The following TLE6 variants were observed in gnomAD, a reference collection of about 807,000 sequenced individuals.
TLE6 encodes transducin-like enhancer protein 6.
Under a neutral mutation model 77.1 loss-of-function variants are expected in TLE6, and 72 were observed. The observed-to-expected ratio is 0.93, with a 90% CI of 0.77 to 1.14. The LOEUF is 1.14. Ranked by LOEUF, TLE6 falls within the 50% of genes most tolerant of loss-of-function variation. TLE6 has a pLI of 0.00. For synonymous variants in TLE6, 366 were observed against 287.3 expected (o/e 1.27, Z -2.77); for missense variants, 843 against 747.6 (o/e 1.13, Z -1.49).
rs541595694 is a variant in TLE6 at position 2,978,272 on chromosome 19, G to A, written c.39G>A (p.Pro13=). ...ACCAGCCCAGACCCAAGGGCCCCCCGAAAAGCACTTCGGTGAGGAGGGCAT... is the reference window on the plus strand; with the variant it reads ...ACCAGCCCAGACCCAAGGGCCCCCCAAAAAGCACTTCGGTGAGGAGGGCAT... ...SRDQPRPKGP[P]KSTSPCPGIS... is the part of the protein sequence containing the mutation. The change falls in exon 2 of 17, where the codon CCG becomes CCA. Residue 13 remains proline, a synonymous_variant. Coordinates refer to ENST00000246112, the MANE Select transcript of TLE6 (RefSeq NM_001143986.2). 46 of 1,551,314 alleles carry A rather than the reference G, an allele frequency of 3.0e-5. No homozygotes were observed. The East Asian group carries it at 3.4e-4, about 12-fold the overall frequency.
Position 2,980,046 on chromosome 19 carries a change from T to C in TLE6, c.52-54T>C. The C allele has an allele frequency of 4.3e-6, 6 of 1,398,192 alleles. No homozygotes were observed. The South Asian group carries it at 6.2e-5, about 14-fold the overall frequency. The allele number at this position is 1,398,192 out of a possible 1,614,324, so 86.6% of individuals were successfully genotyped here. ...GCCATGTTGAGGTGGAGACCGGGGG[T>C]CTTGGGTGTTGGAGCATTGTAAGTT... is the stretch of plus-strand genomic sequence containing the variant. On this transcript the variant is annotated intron_variant, in intron 2 of 16. Coordinates refer to ENST00000246112, the MANE Select transcript of TLE6 (RefSeq NM_001143986.2).
intron 5 of TLE6, among the ~76,000 whole-genome samples, chr19:2,986,521 CTGGCCAACA>C (rs2088914036): frequency 6.6e-6 from 1 of 151,936 alleles, no homozygotes; most frequent in Non-Finnish European, 1.5e-5. Flanking sequence ...GGAGACCAGC[CTGGCCAACA>C]TGGTGAAACC....
intron 14 of TLE6, among the ~76,000 whole-genome samples, chr19:2,993,047 A>AAC (rs1332445181): frequency 6.7e-6 from 1 of 150,334 alleles, no homozygotes; most frequent in African/African-American, 2.4e-5. Flanking sequence ...AAAAAAAAAA[A>AAC]AAAAAACAGA....
chr19:2,985,591 T>TG (rs1026985699), intron 5 of TLE6, among the ~76,000 whole-genome samples: 20 of 147,436 alleles, frequency 1.4e-4, no homozygotes, highest in African/African-American at 4.7e-4. Context: ...TTTTTTTTTT[T>TG]TGTATTTTTA....
chr19:2,994,385 C>G (rs1457950460), intron 16 of TLE6, among the ~76,000 whole-genome samples: 1 of 152,074 alleles, frequency 6.6e-6, no homozygotes, highest in African/African-American at 2.4e-5. Context: ...CCGAGACGGG[C>G]AGATCATGAG....
chr19:2,988,149 C>T, intron 11 of TLE6, 21 bp downstream of exon 11: 1 of 1,551,182 alleles, frequency 6.4e-7, no homozygotes, highest in Non-Finnish European at 8.7e-7. Flanking sequence ...GCACTGTTTG[C>T]TTTTGGGCGG....
chr19:2,983,176 G>T (rs1247045909), intron 5 of TLE6, among the ~76,000 whole-genome samples: 2 of 152,076 alleles, frequency 1.3e-5, no homozygotes, highest in Non-Finnish European at 2.9e-5. Context: ...GGGTGAGGGG[G>T]GGCCAGGAAG....
At chr19:2,991,428 A>G (rs2089060962) in intron 13 of TLE6, among the ~76,000 whole-genome samples, 1 of 149,554 alleles carries the variant, frequency 6.7e-6, no homozygotes, top group Non-Finnish European at 1.5e-5. Context: ...ACACACACAT[A>G]TATATAATAT....
Position 2,994,977 on chromosome 19 carries a change from C to T in TLE6, c.1692C>T (p.His564=), listed in dbSNP as rs150135561. 3.9e-3 allele frequency: 6,229 copies of T among 1,608,218 alleles called. 15 individuals carry two copies. The highest frequency in any genetic ancestry group is 4.7e-3 in the Non-Finnish European group (5,483 of 1,177,792). Residue 564 remains histidine (H), a synonymous_variant, in exon 17 of 17, where the codon CAC becomes CAT. Transcript: ENST00000246112. ...NRLVVTGSGE[H]ASVYQITY ...TCGTTGTCACAGGCTCCGGGGAGCA[C>T]GCCTCCGTGTACCAGATCACCTACT... is the stretch of plus-strand genomic sequence containing the variant.
Position 2,994,875 on chromosome 19 carries a change from T to C in TLE6, c.1615-25T>C, listed in dbSNP as rs771731540. 8 of 1,467,316 alleles carry C rather than the reference T, an allele frequency of 5.5e-6. No homozygotes were observed. In the East Asian group the frequency reaches 1.4e-4, roughly 26 times the overall value. 90.9% of individuals were successfully genotyped at this position (1,467,316 alleles called of 1,614,324 possible). Reference sequence around the variant, plus strand: ...AGGGGTGTGTGAGCCCTACCCCAGCTCACTGCCCACTGCCCCCCCTCCAGG... The same window carrying C: ...AGGGGTGTGTGAGCCCTACCCCAGCCCACTGCCCACTGCCCCCCCTCCAGG... On this transcript the variant is annotated intron_variant, in intron 16 of 16. Transcript: ENST00000246112.
At chr19:2,984,811 C>T (rs542153085) in intron 5 of TLE6, among the ~76,000 whole-genome samples, 119 of 151,974 alleles carry the variant, frequency 7.8e-4, no homozygotes, top group Non-Finnish European at 1.5e-3. Flanking sequence ...ATTCCATATG[C>T]ATGACTATAT....
In TLE6 at chr19:2,995,057, C is replaced by CCA; in HGVS notation, c.*54_*55insAC. ...GGCTCCTCTTTTCATCCCCCCCCTT[C>CCA]CCCCCCCCCAACAAGGGGGACATGG... On this transcript the variant is annotated 3_prime_UTR_variant, in exon 17 of 17. Transcript: ENST00000246112. 1.8e-6 allele frequency: 1 copy of CCA among 541,082 alleles called. No individual in the cohort carries two copies. The allele number at this position is 541,082 out of a possible 1,614,324, so 33.5% of individuals were successfully genotyped here.
At chr19:2,982,095 C>T in intron 4 of TLE6, 53 bp from the exon 5 acceptor site, 1 of 1,546,772 alleles carries the variant, frequency 6.5e-7, no homozygotes, top group Non-Finnish European at 8.8e-7. Context: ...CAGGGTCACA[C>T]AGCATTCACA....
rs769774847 is a variant in TLE6 at position 2,989,210 on chromosome 19, T to A, written c.890T>A (p.Phe297Tyr). ...GTGCTCGCCACGGCCATCAGCAGCTTCACGCGGCACGTGTTCACCTGTGGC... is the reference window on the plus strand; with the variant it reads ...GTGCTCGCCACGGCCATCAGCAGCTACACGCGGCACGTGTTCACCTGTGGC... The part of the protein sequence containing the change: ...ELVLATAISS[F>Y]TRHVFTCGRR... The change falls in exon 12 of 17, where the codon TTC becomes TAC. Residue 297 changes from phenylalanine (F) to tyrosine (Y), a missense_variant. Transcript: ENST00000246112. 3.3e-5 allele frequency: 54 copies of A among 1,614,140 alleles called. No homozygotes were observed. In the East Asian group the frequency reaches 9.8e-4, roughly 29 times the overall value.
At chr19:2,992,643 C>T (rs1425492357) in intron 14 of TLE6, among the ~76,000 whole-genome samples, 2 of 151,652 alleles carry the variant, frequency 1.3e-5, no homozygotes, top group African/African-American at 4.8e-5. Flanking sequence ...AGCATGGTGG[C>T]ACGTACCTGG....
At chr19:2,986,135 G>C (rs1337709438) in intron 5 of TLE6, among the ~76,000 whole-genome samples, 1 of 144,708 alleles carries the variant, frequency 6.9e-6, no homozygotes, top group East Asian at 2.1e-4. Flanking sequence ...GCGATAGGCC[G>C]GATGCGGTGG....
intron 8 of TLE6, 110 bp downstream of exon 8, chr19:2,987,482 C>A: frequency 6.6e-7 from 1 of 1,511,614 alleles, no homozygotes; most frequent in Non-Finnish European, 9.2e-7. Flanking sequence ...TCCTTCCATC[C>A]TGCCCCTCGG....
chr19:2,989,492 T>C (rs1475146614), intron 12 of TLE6, 43 bp from the exon 13 acceptor site: 2 of 1,588,562 alleles, frequency 1.3e-6, no homozygotes, highest in Non-Finnish European at 8.6e-7. Flanking sequence ...CCAGGCAGAA[T>C]GCCACGGGGG....
chr19:2,978,372 G>A, intron 2 of TLE6, 88 bp downstream of exon 2: 2 of 1,357,780 alleles, frequency 1.5e-6, no homozygotes, highest in South Asian at 1.3e-5. Context: ...ACCTGGGCTG[G>A]CCCCGCCCAG....
Sources: allele counts gnomAD v4.1 joint callset (sites outside exome capture counted in the v4.1 genomes callset), GRCh38; gene constraint gnomAD v4.1.1; transcripts MANE v1.5; gene names NCBI Gene and HGNC (gene_info 2026-07-23, HGNC 2026-07-21).